Variants in PDE10A observed in about 807,000 individuals in gnomAD.
The protein encoded by PDE10A is cAMP and cAMP-inhibited cGMP 3',5'-cyclic phosphodiesterase 10A.
A neutral mutation model predicts 97.7 loss-of-function variants in PDE10A; 39 were observed. The observed-to-expected ratio is 0.40, with a 90% CI of 0.31 to 0.52. The LOEUF is 0.52. Ranked by LOEUF, PDE10A falls within the 20% of genes least tolerant of loss-of-function variation. The probability of loss-of-function intolerance (pLI) is 0.56; values close to 1 mark genes in which losing one functional copy is unlikely to be tolerated. For synonymous variants in PDE10A, 371 were observed against 376.8 expected (o/e 0.98, Z 0.18); for missense variants, 731 against 1,047.8 (o/e 0.70, Z 4.17).
At chr6:165,949,307 G>A (rs1015848507) in intron 1 of PDE10A, 4 of 152,184 alleles carry the variant, frequency 2.6e-5, no homozygotes, top group Non-Finnish European at 5.9e-5. Flanking sequence ...ACGATTCCCT[G>A]GTTCTTCGAC....
intron 1 of PDE10A, among the ~76,000 whole-genome samples, chr6:165,907,072 G>A (rs1782306949): frequency 6.6e-6 from 1 of 150,720 alleles, no homozygotes; most frequent in Non-Finnish European, 1.5e-5. Context: ...TGTGTTAGGA[G>A]GACTCCTCTG....
rs574972696 is a variant in PDE10A, at chr6:165,409,625, G to A, written c.2076+3876C>T. The stretch of plus-strand genomic sequence containing the variant: ...CTGATCTCGGAAGCTAAGCAGGGTC[G>A]GGCCTGGTTAGTACTTGGATGGGAG... On this transcript the variant is annotated intron_variant, in intron 13 of 21. Transcript: ENST00000539869. 205 of 159,100 alleles carry A rather than the reference G, an allele frequency of 1.3e-3. 5 individuals are homozygous for A. In the South Asian group the frequency reaches 0.039, roughly 30 times the overall value. The allele number at this position is 159,100 out of a possible 1,614,324, so 9.9% of individuals were successfully genotyped here.
rs963090677 is a variant in PDE10A at position 165,671,980 on chromosome 6, T to C, written c.-614-128412A>G. Among the ~76,000 whole-genome samples, 1 of 152,222 alleles carries C rather than the reference T, an allele frequency of 6.6e-6. No individual in the cohort carries two copies. The highest frequency in any genetic ancestry group is 2.4e-5 in the African/African-American group (1 of 41,458). On this transcript the variant is annotated intron_variant, in intron 1 of 19. Coordinates refer to the PDE10A transcript ENST00000366882. This position sits in a 1 kb window ranked among gnomAD's most constrained non-coding sequence, Gnocchi z 4.6. ...TCTGTTTTCAGTCAAACTATATTAC[T>C]TCCGTAACCGTAAAATACTGGTGAA...
At chr6:165,477,862 CTT>C (rs907972274) in intron 3 of PDE10A, among the ~76,000 whole-genome samples, 25 of 152,254 alleles carry the variant, frequency 1.6e-4, no homozygotes, top group African/African-American at 4.8e-4. Context: ...TGCTGACAAA[CTT>C]TTTGGTCTCC....
chr6:165,458,683 ACT>A (rs755436418), intron 3 of PDE10A, among the ~76,000 whole-genome samples: 112 of 151,574 alleles, frequency 7.4e-4, no homozygotes, highest in Non-Finnish European at 1.4e-3. Context: ...ACACACACAC[ACT>A]CACACACACA....
intron 9 of PDE10A, 129 bp downstream of exon 9, chr6:165,430,158 C>A: frequency 4.7e-6 from 3 of 642,950 alleles, no homozygotes; most frequent in Non-Finnish European, 8.3e-6. Context: ...TTAACCGTTC[C>A]CAGACTACTT....
chr6:165,844,242 CAAGGTCACTATT>C (rs1193444872), intron 1 of PDE10A, among the ~76,000 whole-genome samples: 1 of 152,122 alleles, frequency 6.6e-6, no homozygotes, highest in African/African-American at 2.4e-5. Flanking sequence ...TCATTCTCAT[CAAGGTCACTATT>C]AAGGTCAGAG....
At chr6:165,934,956 G>A (rs1783274961) in intron 1 of PDE10A, among the ~76,000 whole-genome samples, 3 of 152,178 alleles carry the variant, frequency 2.0e-5, no homozygotes, top group Admixed American at 2.0e-4. Context: ...ATCCAAGTGT[G>A]TGAAAAAAAT....
chr6:165,796,415 G>C (rs1028906695), intron 1 of PDE10A, among the ~76,000 whole-genome samples: 1 of 152,120 alleles, frequency 6.6e-6, no homozygotes, highest in Non-Finnish European at 1.5e-5. Flanking sequence ...ACTGGGAAAA[G>C]ACATTTCCTT....
intron 13 of PDE10A, among the ~76,000 whole-genome samples, chr6:165,400,147 A>C (rs964558510): frequency 7.9e-5 from 12 of 152,274 alleles, no homozygotes; most frequent in Non-Finnish European, 1.6e-4. Flanking sequence ...CAAATAAATA[A>C]AAACTTTGAC....
In PDE10A at chr6:165,590,840, G is replaced by A. The variant is rs983337864; in HGVS notation, c.866-47272C>T. Among the ~76,000 whole-genome samples the A allele has an allele frequency of 1.5e-4, 23 of 152,170 alleles. No homozygotes were observed. The South Asian group carries it at 4.4e-3, about 29-fold the overall frequency. Reference sequence around the variant, plus strand: ...CGGGAGGCGGAGCTTGCAGTGAGCCGAGATCACGCCACTGCAGTCCAGCCT... The same window carrying A: ...CGGGAGGCGGAGCTTGCAGTGAGCCAAGATCACGCCACTGCAGTCCAGCCT... On this transcript the variant is annotated intron_variant, in intron 1 of 21. Coordinates refer to ENST00000539869, the MANE Select transcript of PDE10A (RefSeq NM_001385079.1).
At chr6:165,959,189 G>A (rs1784284197) in intron 1 of PDE10A, among the ~76,000 whole-genome samples, 1 of 152,162 alleles carries the variant, frequency 6.6e-6, no homozygotes, top group African/African-American at 2.4e-5. Flanking sequence ...ATGTCCTGTG[G>A]ATGTGGAAGC....
intron 1 of PDE10A, among the ~76,000 whole-genome samples, chr6:165,618,236 T>C (rs760394493): frequency 1.3e-5 from 2 of 152,316 alleles, no homozygotes; most frequent in South Asian, 2.1e-4. Flanking sequence ...TGTGTAGTAA[T>C]GGGATTTTTT....
intron 2 of PDE10A, among the ~76,000 whole-genome samples, chr6:165,484,033 A>ATC (rs1275922669): frequency 6.6e-6 from 1 of 152,258 alleles, no homozygotes; most frequent in Non-Finnish European, 1.5e-5. Context: ...GATTTAGAAA[A>ATC]TCAATGTCTC....
At chr6:165,798,989 TG>T (rs1255432449) in intron 1 of PDE10A, among the ~76,000 whole-genome samples, 2 of 152,168 alleles carry the variant, frequency 1.3e-5, no homozygotes, top group African/African-American at 4.8e-5. Context: ...ATTATAGGCG[TG>T]AGTCACTGCA....
At chr6:165,721,708 A>T (rs77892365) in intron 1 of PDE10A, among the ~76,000 whole-genome samples, 1 of 152,236 alleles carries the variant, frequency 6.6e-6, no homozygotes, top group Non-Finnish European at 1.5e-5. Context: ...CTCTGCACCC[A>T]GTAATTGCTC....
At chr6:165,703,783 T>A (rs1349693826) in intron 1 of PDE10A, among the ~76,000 whole-genome samples, 1 of 152,172 alleles carries the variant, frequency 6.6e-6, no homozygotes, top group Non-Finnish European at 1.5e-5. Context: ...CCTGCTTCCA[T>A]CCCGTCAGTC....
At chr6:165,375,734 A>G (rs975040191) in intron 18 of PDE10A, among the ~76,000 whole-genome samples, 3 of 152,216 alleles carry the variant, frequency 2.0e-5, no homozygotes, top group African/African-American at 7.2e-5. Context: ...GTCAGGGGCT[A>G]ATGTAGCTGG....
intron 1 of PDE10A, chr6:165,894,676 G>A (rs1781896791): frequency 2.7e-6 from 1 of 369,174 alleles, no homozygotes; most frequent in Non-Finnish European, 5.4e-6. Flanking sequence ...AGCACCTTGA[G>A]GATTCTTCTC....
Sources: gnomAD v4.1 joint callset for allele counts (sites outside exome capture counted in the v4.1 genomes callset) on GRCh38, gnomAD v4.1.1 for gene constraint, Gnocchi (gnomAD v3.1) non-coding constraint, MANE v1.5 for transcripts, NCBI Gene and HGNC (gene_info 2026-07-23, HGNC 2026-07-21) for gene names.